Variants in CNBD1 observed in about 807,000 individuals in gnomAD.
CNBD1 encodes cyclic nucleotide-binding domain-containing protein 1.
A neutral mutation model predicts 54.4 loss-of-function variants in CNBD1; 71 were observed. That is an observed-to-expected ratio of 1.30 (90% confidence interval 1.08 to 1.59). CNBD1 has a LOEUF of 1.59. Ranked by LOEUF, CNBD1 falls within the 40% of genes most tolerant of loss-of-function variation. The probability of loss-of-function intolerance (pLI) is 0.00; values close to 1 mark genes in which losing one functional copy is unlikely to be tolerated. For synonymous variants in CNBD1, 182 were observed against 170.7 expected, an observed-to-expected ratio of 1.07 and a Z score of -0.51; for missense variants, 659 against 518.0, an observed-to-expected ratio of 1.27 and a Z score of -2.64.
intron 8 of CNBD1, 135 bp downstream of exon 8, chr8:87,286,806 G>A (rs896649152): frequency 2.9e-6 from 2 of 681,196 alleles, no homozygotes; most frequent in Admixed American, 2.9e-5. Context: ...AATAACATTT[G>A]AATTGGACAT....
At chr8:87,140,779 G>A (rs1812354912) in intron 4 of CNBD1, among the ~76,000 whole-genome samples, 1 of 151,984 alleles carries the variant, frequency 6.6e-6, no homozygotes, top group African/African-American at 2.4e-5. Context: ...ACTTTAATAA[G>A]AAAAAAAGTT....
chr8:87,426,208 G>T (rs577535925), intron 2 of CNBD1, among the ~76,000 whole-genome samples: 3 of 152,124 alleles, frequency 2.0e-5, no homozygotes, highest in South Asian at 2.1e-4. Flanking sequence ...ACTGACCTGC[G>T]CCCGCTGTCT....
chr8:87,239,305 C>G (rs1246597003), intron 6 of CNBD1, among the ~76,000 whole-genome samples: 7 of 151,978 alleles, frequency 4.6e-5, no homozygotes, highest in Non-Finnish European at 8.8e-5. Flanking sequence ...CTAACCCTGT[C>G]CCCTGTAGAA....
At chr8:87,424,819 G>C (rs2130996133) in intron 2 of CNBD1, among the ~76,000 whole-genome samples, 1 of 152,238 alleles carries the variant, frequency 6.6e-6, no homozygotes, top group Non-Finnish European at 1.5e-5. Flanking sequence ...TCTTCTCCAG[G>C]AGTATCTTTG....
intron 8 of CNBD1, among the ~76,000 whole-genome samples, chr8:87,330,225 T>TTC (rs1554580060): frequency 3.4e-5 from 4 of 117,990 alleles, no homozygotes; most frequent in Non-Finnish European, 5.4e-5. Context: ...TTTGTGTTCC[T>TTC]TCTCTCTTTT....
intron 6 of CNBD1, among the ~76,000 whole-genome samples, chr8:87,262,046 T>C (rs1290028436): frequency 6.6e-6 from 1 of 151,702 alleles, no homozygotes; most frequent in African/African-American, 2.4e-5. Context: ...CCCAGCTACT[T>C]TGAGGGCTGA....
intron 3 of CNBD1, among the ~76,000 whole-genome samples, chr8:86,938,422 A>T (rs1185817683): frequency 1.3e-5 from 2 of 152,132 alleles, no homozygotes; most frequent in African/African-American, 4.8e-5. Context: ...CTGTTCTTAC[A>T]CTGCTAATAA....
downstream of CNBD1, among the ~76,000 whole-genome samples, chr8:87,387,594 A>T (rs977297723): frequency 1.3e-5 from 2 of 152,224 alleles, no homozygotes; most frequent in Non-Finnish European, 2.9e-5. Flanking sequence ...AGGAGCACCC[A>T]GGTTCATAAA....
At position 87,259,560 on chromosome 8, in the gene CNBD1, A is replaced by C. The variant is rs188207794; in HGVS notation, c.771+22448A>C. On this transcript the variant is annotated intron_variant, in intron 6 of 10. Transcript: ENST00000518476. ...ATTTCACTTTCAAAATATTTGATTTAAGTGCTTATTTTTGTTTAAGCCAAT... is the reference window on the plus strand; with the variant it reads ...ATTTCACTTTCAAAATATTTGATTTCAGTGCTTATTTTTGTTTAAGCCAAT... Among the ~76,000 whole-genome samples, 26 of 152,356 alleles carry C rather than the reference A, an allele frequency of 1.7e-4. No individual in the cohort carries two copies. The East Asian group carries it at 4.8e-3, about 28-fold the overall frequency.
At chr8:87,228,020 C>T (rs1175844969) in intron 5 of CNBD1, among the ~76,000 whole-genome samples, 1 of 151,648 alleles carries the variant, frequency 6.6e-6, no homozygotes, top group Non-Finnish European at 1.5e-5. Context: ...CCCTTTCTTC[C>T]AGTTGATCGC....
At chr8:87,411,970 C>T (rs113240790) in intron 2 of CNBD1, among the ~76,000 whole-genome samples, 6,628 of 151,578 alleles carry the variant, frequency 0.044, 188 homozygotes, top group Non-Finnish European at 0.06. Context: ...TTTTGTTTTT[C>T]TTATTACTAC....
At chr8:87,298,471 T>G (rs1808922079) in intron 8 of CNBD1, among the ~76,000 whole-genome samples, 1 of 148,922 alleles carries the variant, frequency 6.7e-6, no homozygotes, top group Non-Finnish European at 1.5e-5. Context: ...AAATGTGCCT[T>G]GGTTTCTTTT....
At chr8:87,278,924 T>A (rs1162124984) in intron 6 of CNBD1, among the ~76,000 whole-genome samples, 1 of 151,468 alleles carries the variant, frequency 6.6e-6, no homozygotes, top group African/African-American at 2.4e-5. Context: ...ATATAGCACT[T>A]CCTTCTTATC....
intron 4 of CNBD1, among the ~76,000 whole-genome samples, chr8:86,987,476 G>A (rs186004801): frequency 1.3e-5 from 2 of 152,132 alleles, no homozygotes; most frequent in East Asian, 1.9e-4. Flanking sequence ...TTCCTTTCCT[G>A]TTTAGGTGCA....
chr8:87,379,735 T>C (rs1047686305), intron 10 of CNBD1, among the ~76,000 whole-genome samples: 3 of 151,938 alleles, frequency 2.0e-5, no homozygotes, highest in African/African-American at 7.2e-5. Flanking sequence ...TTATAATATT[T>C]GTAAAATTAC....
intron 4 of CNBD1, among the ~76,000 whole-genome samples, chr8:86,983,634 C>G (rs1478216103): frequency 4.6e-5 from 7 of 152,100 alleles, no homozygotes; most frequent in Non-Finnish European, 7.4e-5. Context: ...TTTTTGGGAA[C>G]TAGAGCAAAG....
At position 87,070,176 on chromosome 8, in the gene CNBD1, T is replaced by C. The variant is rs75865162; in HGVS notation, c.431+130422T>C. Among the ~76,000 whole-genome samples the C allele has an allele frequency of 1.7e-3, 259 of 152,240 alleles. 5 individuals carry two copies. The East Asian group carries it at 0.024, about 14-fold the overall frequency. On this transcript the variant is annotated intron_variant, in intron 4 of 10. Transcript: ENST00000518476. ...AGATCCTTCTTCCATTGTCACTTCA[T>C]GGATCCTGCTCCGTTCACTTGTTCC...
At chr8:86,888,451 C>T (rs1239918120) in intron 2 of CNBD1, among the ~76,000 whole-genome samples, 2 of 152,044 alleles carry the variant, frequency 1.3e-5, no homozygotes, top group East Asian at 3.9e-4. Flanking sequence ...ACTCCCGAGA[C>T]CTATTGCCTG....
intron 3 of CNBD1, among the ~76,000 whole-genome samples, chr8:86,937,729 A>T (rs1809574744): frequency 9.7e-6 from 1 of 102,798 alleles, no homozygotes; most frequent in Non-Finnish European, 2.2e-5. Context: ...GAGACCCATG[A>T]AACCATTTTT....
Sources: allele counts gnomAD v4.1 joint callset (sites outside exome capture counted in the v4.1 genomes callset), GRCh38; gene constraint gnomAD v4.1.1; transcripts MANE v1.5; gene names NCBI Gene and HGNC (gene_info 2026-07-23, HGNC 2026-07-21).